PPP1R12B: variants seen among roughly 807,000 people sequenced by gnomAD.
PPP1R12B encodes the protein protein phosphatase 1 regulatory subunit 12B.
In PPP1R12B, 76 loss-of-function variants were observed where a neutral mutation model predicts 126.1. That is an observed-to-expected ratio of 0.60 (90% confidence interval 0.50 to 0.73). The LOEUF (loss-of-function observed/expected upper bound fraction) is 0.73. Ranked by LOEUF, PPP1R12B falls within the 30% of genes least tolerant of loss-of-function variation. The pLI is 0.00. For missense variants in PPP1R12B, 1,052 were observed against 1,205.1 expected (o/e 0.87, Z 1.88); for synonymous variants, 356 against 434.7 (o/e 0.82, Z 2.25).
chr1:202,577,062 G>A (rs1025088172), intron 23 of PPP1R12B: 2 of 152,198 alleles, frequency 1.3e-5, no homozygotes, highest in Non-Finnish European at 2.9e-5. Flanking sequence ...TTGCAGCTGA[G>A]GGAGGAAGGG....
chr1:202,516,430 C>T (rs1029673937), intron 18 of PPP1R12B, among the ~76,000 whole-genome samples: 4 of 152,052 alleles, frequency 2.6e-5, no homozygotes, highest in Admixed American at 2.0e-4. Flanking sequence ...AAGAGTATCT[C>T]GTAGGTTTGC....
chr1:202,518,360 G>A (rs1572365418), intron 18 of PPP1R12B, among the ~76,000 whole-genome samples: 3 of 152,292 alleles, frequency 2.0e-5, no homozygotes, highest in Admixed American at 2.0e-4. Context: ...CAGTGGTTAA[G>A]TATACTATGA....
intron 1 of PPP1R12B, among the ~76,000 whole-genome samples, chr1:202,394,751 T>C (rs576664996): frequency 6.8e-6 from 1 of 148,072 alleles, no homozygotes; most frequent in East Asian, 2.0e-4. Context: ...TGAAACTCTG[T>C]CTCAGAAAAA....
chr1:202,441,589 C>T (rs1671625562), intron 11 of PPP1R12B, among the ~76,000 whole-genome samples: 1 of 152,152 alleles, frequency 6.6e-6, no homozygotes, highest in South Asian at 2.1e-4. Flanking sequence ...AAGGATTGTT[C>T]TAGAGAACCT....
intron 1 of PPP1R12B, among the ~76,000 whole-genome samples, chr1:202,382,068 A>C (rs1312367755): frequency 3.3e-5 from 5 of 152,146 alleles, no homozygotes; most frequent in Admixed American, 1.3e-4. Flanking sequence ...TGTGGCACAT[A>C]TACACCATGG....
At chr1:202,462,631 A>C (rs1572137210) in intron 13 of PPP1R12B, 1 of 260,524 alleles carries the variant, frequency 3.8e-6, no homozygotes. Context: ...AAAGTGGTTC[A>C]TTTTTCAGAG....
intron 1 of PPP1R12B, among the ~76,000 whole-genome samples, chr1:202,354,570 TAAAC>T (rs933288131): frequency 1.7e-4 from 26 of 151,896 alleles, no homozygotes; most frequent in Admixed American, 1.4e-3. Context: ...CCTGTGTCTA[TAAAC>T]AAACAAGAGC....
intron 1 of PPP1R12B, among the ~76,000 whole-genome samples, chr1:202,384,946 TGTC>T (rs993089936): frequency 6.6e-6 from 1 of 152,242 alleles, no homozygotes; most frequent in Non-Finnish European, 1.5e-5. Flanking sequence ...CAATTGCTGT[TGTC>T]ATATTTTTAT....
intron 1 of PPP1R12B, among the ~76,000 whole-genome samples, chr1:202,399,697 C>T (rs1399311420): frequency 2.6e-5 from 4 of 151,920 alleles, no homozygotes; most frequent in Non-Finnish European, 5.9e-5. Flanking sequence ...GGGGTTTCAC[C>T]GTGTTAACCA....
intron 13 of PPP1R12B, among the ~76,000 whole-genome samples, chr1:202,480,710 A>G (rs543840540): frequency 2.0e-5 from 3 of 152,348 alleles, no homozygotes; most frequent in South Asian, 4.1e-4. Flanking sequence ...TACTATTATT[A>G]TATAATGTAG....
chr1:202,351,100 C>A (rs1033287027), intron 1 of PPP1R12B, among the ~76,000 whole-genome samples: 1 of 152,126 alleles, frequency 6.6e-6, no homozygotes, highest in Non-Finnish European at 1.5e-5. Context: ...GATTTGAGGT[C>A]TGTTGAGAAA....
At chr1:202,422,118 TA>T (rs1268596664) in intron 2 of PPP1R12B, among the ~76,000 whole-genome samples, 3 of 152,268 alleles carry the variant, frequency 2.0e-5, no homozygotes, top group African/African-American at 7.2e-5. Flanking sequence ...TTTAACATTT[TA>T]ATATTTCTTC....
At chr1:202,406,826 A>T (rs900600581) in intron 1 of PPP1R12B, among the ~76,000 whole-genome samples, 1 of 152,226 alleles carries the variant, frequency 6.6e-6, no homozygotes, top group Non-Finnish European at 1.5e-5. Flanking sequence ...GTAAGAAGCC[A>T]ATTTCAATAG....
chr1:202,439,491 T>G, intron 10 of PPP1R12B: 1 of 1,519,430 alleles, frequency 6.6e-7, no homozygotes, highest in East Asian at 2.3e-5. Flanking sequence ...GTCCAGCCCA[T>G]GGAAGTGGCT....
At chr1:202,432,605 C>A (rs1282192692) in intron 8 of PPP1R12B, among the ~76,000 whole-genome samples, 1 of 152,080 alleles carries the variant, frequency 6.6e-6, no homozygotes, top group Non-Finnish European at 1.5e-5. Flanking sequence ...AAGACAGGAA[C>A]CCCAACAGTG....
chr1:202,386,774 T>C (rs1259655415), intron 1 of PPP1R12B, among the ~76,000 whole-genome samples: 1 of 152,190 alleles, frequency 6.6e-6, no homozygotes, highest in Non-Finnish European at 1.5e-5. Flanking sequence ...AGTATATTTA[T>C]CCTACTGTTG....
At chr1:202,488,732 C>T in intron 14 of PPP1R12B, 109 bp downstream of exon 14, 1 of 978,270 alleles carries the variant, frequency 1.0e-6, no homozygotes, top group Non-Finnish European at 1.5e-6. Context: ...TAAACACACA[C>T]ACACACACAC....
At chr1:202,534,828 A>AGGGG (rs1342237126) in intron 18 of PPP1R12B, among the ~76,000 whole-genome samples, 3 of 152,196 alleles carry the variant, frequency 2.0e-5, no homozygotes, top group Non-Finnish European at 4.4e-5. Flanking sequence ...TTTGAAAAGG[A>AGGGG]GATTCTATCA....
chr1:202,475,476 A>T (rs1189283818), intron 13 of PPP1R12B, among the ~76,000 whole-genome samples: 4 of 152,192 alleles, frequency 2.6e-5, no homozygotes, highest in Non-Finnish European at 5.9e-5. Context: ...ATATTGCAGG[A>T]TTTGCTAGAA....
Sources: allele counts gnomAD v4.1 joint callset (sites outside exome capture counted in the v4.1 genomes callset), GRCh38; gene constraint gnomAD v4.1.1; transcripts MANE v1.5; gene names NCBI Gene and HGNC (gene_info 2026-07-23, HGNC 2026-07-21).